Variants in SLC26A5 observed in about 807,000 individuals in gnomAD.
The protein encoded by SLC26A5 is prestin.
In SLC26A5, 51 loss-of-function variants were observed where a neutral mutation model predicts 81.0. The observed-to-expected ratio is 0.63, with a 90% CI of 0.50 to 0.80. The LOEUF (loss-of-function observed/expected upper bound fraction) is 0.80, where lower values mean the gene tolerates loss of function less well. SLC26A5 is among the 30% of genes least tolerant of loss of function. SLC26A5 has a pLI of 0.00. For synonymous variants in SLC26A5, 325 were observed against 332.8 expected (o/e 0.98, Z 0.25); for missense variants, 771 against 905.8 (o/e 0.85, Z 1.91).
chr7:103,425,328 T>TTA (rs1231362822), intron 2 of SLC26A5, among the ~76,000 whole-genome samples: 5 of 152,332 alleles, frequency 3.3e-5, no homozygotes, highest in African/African-American at 9.6e-5. Context: ...TTAGGTACTT[T>TTA]TATAAAACAC....
downstream of SLC26A5, among the ~76,000 whole-genome samples, chr7:103,370,385 C>A (rs948024261): frequency 7.9e-5 from 12 of 151,836 alleles, no homozygotes; most frequent in Non-Finnish European, 1.6e-4. Context: ...GGGCACACCC[C>A]CACCCCCCCA....
chr7:103,377,492 G>A (rs1276445100), intron 18 of SLC26A5, 107 bp downstream of exon 18: 5 of 1,045,166 alleles, frequency 4.8e-6, no homozygotes, highest in Admixed American at 3.7e-5. Context: ...AATCAAAAGG[G>A]GATAAATCTT....
Position 103,443,114 on chromosome 7 carries a change from CA to C in SLC26A5, c.-86del, listed in dbSNP as rs1279845780. 1 of 152,258 alleles carries C rather than the reference CA, an allele frequency of 6.6e-6. No homozygotes were observed. Among genetic ancestry groups the C allele is most frequent in the Admixed American group, 6.5e-5 (1 of 15,276 alleles). The allele number at this position is 152,258 out of a possible 1,614,324, so 9.4% of individuals were successfully genotyped here. A position where few individuals can be genotyped will look rare whatever the true frequency, so the allele number is the denominator to read the frequency against. On this transcript the variant is annotated 5_prime_UTR_variant, in exon 2 of 20. Coordinates refer to ENST00000306312, the MANE Select transcript of SLC26A5 (RefSeq NM_198999.3). ...CCAATGTGCAGCACAAAAGTCGGGA[CA>C]GGGGACAAGATCCCCCGCTGGGAGC...
intron 19 of SLC26A5, among the ~76,000 whole-genome samples, chr7:103,357,827 CTT>C (rs1440223944): frequency 1.3e-5 from 2 of 152,150 alleles, no homozygotes; most frequent in Non-Finnish European, 2.9e-5. Context: ...CCCACTTTCT[CTT>C]GATTGTCTAA....
At chr7:103,430,779 G>A (rs1005727336) in intron 2 of SLC26A5, among the ~76,000 whole-genome samples, 3 of 152,236 alleles carry the variant, frequency 2.0e-5, no homozygotes, top group African/African-American at 7.2e-5. Context: ...TAAAACTGGA[G>A]AGGTCAAGTA....
At chr7:103,416,173 T>C (rs1824895117) in intron 4 of SLC26A5, among the ~76,000 whole-genome samples, 1 of 152,240 alleles carries the variant, frequency 6.6e-6, no homozygotes, top group East Asian at 1.9e-4. Flanking sequence ...TTTTAAAGTT[T>C]TTTATTTTGC....
chr7:103,404,183 C>CA (rs879937204), intron 8 of SLC26A5, among the ~76,000 whole-genome samples: 64 of 143,508 alleles, frequency 4.5e-4, no homozygotes, highest in East Asian at 1.2e-3. Flanking sequence ...GACTTTGTCT[C>CA]AAAAAAAAAA....
chr7:103,376,727 G>T, intron 19 of SLC26A5, 81 bp downstream of exon 19: 1 of 963,678 alleles, frequency 1.0e-6, no homozygotes, highest in Non-Finnish European at 1.6e-6. Context: ...TAAAATTAAG[G>T]ACATTTCCAA....
intron 3 of SLC26A5, 96 bp from the exon 4 acceptor site, chr7:103,420,973 C>T (rs1007701219): frequency 2.2e-6 from 3 of 1,375,028 alleles, no homozygotes; most frequent in Admixed American, 3.5e-5. Flanking sequence ...TTCCCAGGAG[C>T]AATCTGGAAA....
chr7:103,360,116 T>G (rs971263557), intron 19 of SLC26A5, among the ~76,000 whole-genome samples: 5 of 151,762 alleles, frequency 3.3e-5, no homozygotes, highest in African/African-American at 1.2e-4. Context: ...AACACCAACA[T>G]CTAGGCTTCT....
Position 103,389,539 on chromosome 7 carries a change from T to A in SLC26A5, c.1312-115A>T, listed in dbSNP as rs146004376. ...ATGCCTTCTCCCTACTCACTTCCTA[T>A]ATGGCACCGATGGTAGCTTTGAAGC... On this transcript the variant is annotated intron_variant, in intron 12 of 19. Transcript: ENST00000306312. 1,744 of 769,186 alleles carry A rather than the reference T, an allele frequency of 2.3e-3. 36 individuals are homozygous for A. In the East Asian group the frequency reaches 0.039, roughly 17 times the overall value. 47.6% of individuals were successfully genotyped at this position (769,186 alleles called of 1,614,324 possible). A position where few individuals can be genotyped will look rare whatever the true frequency, so the allele number is the denominator to read the frequency against.
intron 2 of SLC26A5, among the ~76,000 whole-genome samples, chr7:103,439,866 T>C (rs1826745583): frequency 6.6e-6 from 1 of 152,158 alleles, no homozygotes. Context: ...GCCAAGCACT[T>C]GTCTGCCTCA....
At position 103,411,414 on chromosome 7, in the gene SLC26A5, C is replaced by T. The variant is rs113889101; in HGVS notation, c.570+6G>A. 7,247 of 1,614,006 alleles carry T rather than the reference C, an allele frequency of 4.5e-3. 268 individuals are homozygous for T. The African/African-American group carries it at 0.085, about 19-fold the overall frequency. ...GACAGTCCATTTCCCCATCTTTGAG[C>T]CTTACCTGAATGATTCCTGAAAGTA... On this transcript the variant is annotated splice_donor_region_variant and intron_variant, in intron 6 of 19. Coordinates refer to ENST00000306312, the MANE Select transcript of SLC26A5 (RefSeq NM_198999.3).
chr7:103,403,590 C>T (rs598319), intron 8 of SLC26A5, among the ~76,000 whole-genome samples: 1 of 151,742 alleles, frequency 6.6e-6, no homozygotes, highest in Admixed American at 6.6e-5. Flanking sequence ...GTAGTTACCT[C>T]TTCTTGCTGC....
intron 10 of SLC26A5, 38 bp from the exon 11 acceptor site, chr7:103,391,773 C>A (rs369654344): frequency 2.6e-6 from 4 of 1,535,556 alleles, no homozygotes; most frequent in African/African-American, 2.7e-5. Flanking sequence ...AGAGATAGGT[C>A]ATTCTTCAGG....
rs774901004 is a variant in SLC26A5 at position 103,377,799 on chromosome 7, C to T, written c.1786G>A (p.Asp596Asn). Residue 596 changes from aspartate to asparagine, a missense_variant and splice_region_variant, in exon 18 of 20, where the codon GAT becomes AAT. Transcript: ENST00000306312. ...NMANATVVKA[D>N]AEVDGEDATK... ...GCATCCTCTCCATCTACTTCTGCAT[C>T]CTGTGTCAAAAATTAAACCAAACCA... 6 of 1,613,604 alleles carry T rather than the reference C, an allele frequency of 3.7e-6. No homozygotes were observed. Among genetic ancestry groups the T allele is most frequent in the Non-Finnish European group, 5.1e-6 (6 of 1,179,970 alleles).
intron 5 of SLC26A5, among the ~76,000 whole-genome samples, chr7:103,412,557 T>C (rs1824579808): frequency 6.7e-6 from 1 of 149,068 alleles, no homozygotes; most frequent in South Asian, 2.2e-4. Context: ...TTTTTTGTTT[T>C]TTTTTTTTTT....
chr7:103,413,828 G>C (rs1453824034), intron 4 of SLC26A5, among the ~76,000 whole-genome samples: 2 of 152,100 alleles, frequency 1.3e-5, no homozygotes, highest in East Asian at 1.9e-4. Flanking sequence ...AGCAGTTTAG[G>C]TTCACAGCAA....
intron 9 of SLC26A5, among the ~76,000 whole-genome samples, chr7:103,394,235 A>G (rs1404999401): frequency 6.6e-6 from 1 of 152,226 alleles, no homozygotes; most frequent in Non-Finnish European, 1.5e-5. Context: ...TTTACCTGCT[A>G]CATGCTTTAC....
Sources: gnomAD v4.1 joint callset for allele counts (sites outside exome capture counted in the v4.1 genomes callset) on GRCh38, gnomAD v4.1.1 for gene constraint, MANE v1.5 for transcripts, NCBI Gene and HGNC (gene_info 2026-07-23, HGNC 2026-07-21) for gene names.